The following DLC1 variants were observed in gnomAD, a reference collection of about 807,000 sequenced individuals.
DLC1 encodes the protein rho GTPase-activating protein 7.
In DLC1, 54 loss-of-function variants were observed where a neutral mutation model predicts 140.3. The ratio of observed to expected loss-of-function variants is 0.38; its 90% CI spans 0.31 to 0.48. The LOEUF is 0.48. Ranked by LOEUF, DLC1 falls within the 20% of genes least tolerant of loss-of-function variation. DLC1 has a pLI of 0.96. For synonymous variants in DLC1, 986 were observed against 728.1 expected (o/e 1.35, Z -5.70); for missense variants, 2,536 against 1,907.0 (o/e 1.33, Z -6.14).
chr8:13,086,314 G>C lies in DLC1; in HGVS notation c.4442C>G (p.Thr1481Ser), dbSNP rs1288891730. 6.2e-7 allele frequency: 1 copy of C among 1,614,104 alleles called. No individual in the cohort carries two copies. Among genetic ancestry groups the C allele is most frequent in the East Asian group, 2.2e-5 (1 of 44,902 alleles). ...CCTTAAGTCAACTCTGCACATGTAG[G>C]TGAGTTTGGATTTTCCTGGCCCACA... ...EPCGPGKSKLTYMCRVDLRGH... is the reference protein window; with the variant it reads ...EPCGPGKSKLSYMCRVDLRGH... The change falls in exon 17 of 18, where the codon ACC becomes AGC. Residue 1481 changes from threonine (T) to serine (S), a missense_variant. Coordinates refer to ENST00000276297, the MANE Select transcript of DLC1 (RefSeq NM_182643.3).
chr8:13,419,161 CAG>C (rs1174489657), intron 2 of DLC1, among the ~76,000 whole-genome samples: 1 of 152,140 alleles, frequency 6.6e-6, no homozygotes, highest in Non-Finnish European at 1.5e-5. Context: ...GGTCTGCAAA[CAG>C]GGACAATTTG....
At chr8:13,133,068 A>C in intron 5 of DLC1, 2 of 1,549,538 alleles carry the variant, frequency 1.3e-6, no homozygotes, top group Non-Finnish European at 1.7e-6. Flanking sequence ...CCACGGCGGC[A>C]CCCGAGACGC....
intron 5 of DLC1, among the ~76,000 whole-genome samples, chr8:13,198,506 C>G (rs1028073562): frequency 5.9e-5 from 9 of 152,098 alleles, no homozygotes; most frequent in South Asian, 2.1e-4. Context: ...CTTTTCTATA[C>G]AAGTAAAACA....
chr8:13,319,989 A>AT (rs1175049851), intron 4 of DLC1, among the ~76,000 whole-genome samples: 1 of 151,520 alleles, frequency 6.6e-6, no homozygotes, highest in Non-Finnish European at 1.5e-5. Context: ...CGCCCAGCTA[A>AT]TTTTTTGCAT....
At chr8:13,547,128 T>C (rs116592814) in intron 1 of DLC1, among the ~76,000 whole-genome samples, 2,248 of 152,200 alleles carry the variant, frequency 0.015, 57 homozygotes, top group African/African-American at 0.052. Context: ...TATGAAATGA[T>C]GGAAGAATTA....
chr8:13,499,255 C>A lies in DLC1; in HGVS notation c.817G>T (p.Asp273Tyr). ...GGCTGCAGAAGGCAGCTTCCAAAATCTGTTTTTAATAATGGCAGTCCTCTG... is the reference window on the plus strand; with the variant it reads ...GGCTGCAGAAGGCAGCTTCCAAAATATGTTTTTAATAATGGCAGTCCTCTG... ...TNRGLPLLKT[D>Y]FGSCLLQPPS... Residue 273 changes from aspartate (D) to tyrosine (Y), a missense_variant, in exon 2 of 18, where the codon GAT becomes TAT. Transcript: ENST00000276297. The A allele has an allele frequency of 6.2e-7, 1 of 1,614,188 alleles. No individual in the cohort carries two copies. Among genetic ancestry groups the A allele is most frequent in the Non-Finnish European group, 8.5e-7 (1 of 1,180,020 alleles).
intron 1 of DLC1, among the ~76,000 whole-genome samples, chr8:13,544,924 T>G (rs1034122492): frequency 3.9e-5 from 6 of 152,114 alleles, no homozygotes; most frequent in Non-Finnish European, 8.8e-5. Context: ...CCACAGTGAG[T>G]ACTCTGCCAC....
chr8:13,554,019 C>T (rs1349785091), intron 1 of DLC1, among the ~76,000 whole-genome samples: 1 of 151,962 alleles, frequency 6.6e-6, no homozygotes, highest in Non-Finnish European at 1.5e-5. Flanking sequence ...TCTGTAAACA[C>T]TTCTCTTGTC....
chr8:13,155,383 T>A (rs1344941433), intron 5 of DLC1, among the ~76,000 whole-genome samples: 1 of 151,984 alleles, frequency 6.6e-6, no homozygotes, highest in Non-Finnish European at 1.5e-5. Context: ...AAGATATGGT[T>A]GGACATTAAC....
At chr8:13,554,264 G>A (rs567447615) in intron 1 of DLC1, among the ~76,000 whole-genome samples, 6 of 152,004 alleles carry the variant, frequency 3.9e-5, no homozygotes, top group Admixed American at 2.0e-4. Context: ...ATGGGGTTTC[G>A]CCCTGTTGGC....
intron 5 of DLC1, among the ~76,000 whole-genome samples, chr8:13,143,595 A>G (rs1258911351): frequency 1.3e-5 from 2 of 149,916 alleles, no homozygotes; most frequent in Admixed American, 1.3e-4. Context: ...AGCTAGAATT[A>G]CAGGTGTGCA....
At chr8:13,569,172 AT>A in intron 1 of DLC1, among the ~76,000 whole-genome samples, 1 of 152,246 alleles carries the variant, frequency 6.6e-6, no homozygotes, top group South Asian at 2.1e-4. Flanking sequence ...TTTATTATCT[AT>A]TTCCTCTATA....
At chr8:13,439,126 A>T (rs1008514697) in intron 2 of DLC1, among the ~76,000 whole-genome samples, 3 of 152,134 alleles carry the variant, frequency 2.0e-5, no homozygotes, top group African/African-American at 7.2e-5. Flanking sequence ...AGAGTTCGAG[A>T]CCATCCTGGC....
At chr8:13,551,813 A>G (rs534029945) in intron 1 of DLC1, among the ~76,000 whole-genome samples, 2 of 148,794 alleles carry the variant, frequency 1.3e-5, no homozygotes, top group South Asian at 2.1e-4. Context: ...ATATATCTAG[A>G]CAGGTATATA....
At position 13,187,364 on chromosome 8, in the gene DLC1, C is replaced by T. The variant is rs149111079; in HGVS notation, c.1349-71707G>A. ...AATAGATATTTGTTGAATGAAGGAT[C>T]TTTAACCTCCCTAATTTTTTCACTA... On this transcript the variant is annotated intron_variant, in intron 5 of 17. Transcript: ENST00000276297. Among the ~76,000 whole-genome samples, 366 of 152,220 alleles carry T rather than the reference C, an allele frequency of 2.4e-3. 2 individuals carry two copies. Among genetic ancestry groups the T allele is most frequent in the African/African-American group, 8.6e-3 (356 of 41,514 alleles).
chr8:13,358,655 C>A (rs1234669787), intron 4 of DLC1, among the ~76,000 whole-genome samples: 4 of 151,224 alleles, frequency 2.6e-5, no homozygotes, highest in African/African-American at 9.7e-5. Flanking sequence ...TTTTCTAGTA[C>A]CCTCAAAAAT....
intron 2 of DLC1, among the ~76,000 whole-genome samples, chr8:13,474,580 C>T (rs768448445): frequency 5.9e-5 from 9 of 152,316 alleles, no homozygotes; most frequent in Non-Finnish European, 1.3e-4. Context: ...CACTCAACAC[C>T]AGCCCGTGAA....
intron 4 of DLC1, among the ~76,000 whole-genome samples, chr8:13,358,521 C>A (rs776671457): frequency 2.6e-5 from 4 of 152,094 alleles, no homozygotes; most frequent in Non-Finnish European, 5.9e-5. Flanking sequence ...TAGTATTTTT[C>A]TAGTCTACAG....
At chr8:13,432,316 T>G (rs1838914875) in intron 2 of DLC1, among the ~76,000 whole-genome samples, 1 of 152,222 alleles carries the variant, frequency 6.6e-6, no homozygotes, top group Non-Finnish European at 1.5e-5. Flanking sequence ...GACATGGGAA[T>G]GGTGATCTAA....
Sources: allele counts gnomAD v4.1 joint callset (sites outside exome capture counted in the v4.1 genomes callset), GRCh38; gene constraint gnomAD v4.1.1; transcripts MANE v1.5; gene names NCBI Gene and HGNC (gene_info 2026-07-23, HGNC 2026-07-21).